ZSCAN23: variants seen among roughly 807,000 people sequenced by gnomAD.
ZSCAN23 encodes the protein zinc finger and SCAN domain containing 23, also known as zinc finger and SCAN domain-containing protein 23.
In ZSCAN23, 19 loss-of-function variants were observed where a neutral mutation model predicts 19.3. The observed-to-expected ratio is 0.99, with a 90% CI of 0.69 to 1.45. The LOEUF is 1.45. Among genes scored for constraint, ZSCAN23 ranks in the 40% most tolerant of loss-of-function variants. The pLI is 0.00. For missense variants in ZSCAN23, 372 were observed against 462.5 expected (o/e 0.80, Z 1.79); for synonymous variants, 140 against 166.2 (o/e 0.84, Z 1.21).
intron 1 of ZSCAN23, among the ~76,000 whole-genome samples, chr6:28,438,642 G>C (rs1365738420): frequency 4.6e-5 from 7 of 152,134 alleles, no homozygotes; most frequent in Admixed American, 3.9e-4. Context: ...GAAGTGCCGA[G>C]CAAAAGGGGG....
chr6:28,428,618 A>G (rs895703165), downstream of ZSCAN23, among the ~76,000 whole-genome samples: 4 of 152,154 alleles, frequency 2.6e-5, no homozygotes. Flanking sequence ...TTCTTTAACA[A>G]CTACAAGTCT....
At chr6:28,441,838 T>C (rs948750332) in intron 1 of ZSCAN23, among the ~76,000 whole-genome samples, 1 of 151,052 alleles carries the variant, frequency 6.6e-6, no homozygotes, top group African/African-American at 2.4e-5. Flanking sequence ...GAAGGTAGTA[T>C]GAGATAGCAG....
the ZSCAN23 span, among the ~76,000 whole-genome samples, chr6:28,425,332 T>G: frequency 1.3e-5 from 2 of 152,172 alleles, no homozygotes; most frequent in South Asian, 2.1e-4. Flanking sequence ...TTTTGTTTGT[T>G]TGTGTGTTTG....
At chr6:28,425,210 T>C in the ZSCAN23 span, among the ~76,000 whole-genome samples, 1 of 152,344 alleles carries the variant, frequency 6.6e-6, no homozygotes, top group East Asian at 1.9e-4. Context: ...GCAGTAGGTC[T>C]CAACAGTGGG....
chr6:28,436,260 T>C lies in ZSCAN23; in HGVS notation c.7A>G (p.Ile3Val), dbSNP rs1394678609. 2 of 1,542,336 alleles carry C rather than the reference T, an allele frequency of 1.3e-6. No individual in the cohort carries two copies. Among genetic ancestry groups the C allele is most frequent in the African/African-American group, 1.4e-5 (1 of 72,610 alleles). The change falls in exon 2 of 4, where the codon ATA becomes GTA. Residue 3 changes from isoleucine to valine, a missense_variant. Transcript: ENST00000289788. The part of the protein sequence containing the change: MA[I>V]TLTLQTAEMQ... ...TCTGCAGTCTGAAGGGTCAAGGTTATGGCCATCAAAGGTTTAACTATTCAG... is the reference window on the plus strand; with the variant it reads ...TCTGCAGTCTGAAGGGTCAAGGTTACGGCCATCAAAGGTTTAACTATTCAG...
intron 1 of ZSCAN23, among the ~76,000 whole-genome samples, chr6:28,437,840 C>T (rs1473089851): frequency 6.6e-6 from 1 of 151,954 alleles, no homozygotes; most frequent in African/African-American, 2.4e-5. Context: ...AATAATTTCA[C>T]AAAACACTAT....
At chr6:28,440,239 A>C (rs1220467670) in intron 1 of ZSCAN23, among the ~76,000 whole-genome samples, 1 of 152,246 alleles carries the variant, frequency 6.6e-6, no homozygotes, top group Non-Finnish European at 1.5e-5. Flanking sequence ...GGAAAGTAAC[A>C]GGAGATAAAG....
chr6:28,442,762 C>T (rs1273577057), intron 1 of ZSCAN23, among the ~76,000 whole-genome samples: 1 of 152,120 alleles, frequency 6.6e-6, no homozygotes, highest in African/African-American at 2.4e-5. Flanking sequence ...CGCTCTACGA[C>T]CTTGGGCAAG....
chr6:28,442,870 G>A (rs183011955), intron 1 of ZSCAN23, among the ~76,000 whole-genome samples: 1 of 152,220 alleles, frequency 6.6e-6, no homozygotes, highest in African/African-American at 2.4e-5. Context: ...ATCTCATAGA[G>A]TTATGAGAAG....
chr6:28,429,593 C>G (rs1476517437), downstream of ZSCAN23, among the ~76,000 whole-genome samples: 3 of 152,160 alleles, frequency 2.0e-5, no homozygotes, highest in Non-Finnish European at 4.4e-5. Context: ...GGTGAGGCCT[C>G]CTTGCTGGTA....
chr6:28,437,966 T>C (rs1761926749), intron 1 of ZSCAN23, among the ~76,000 whole-genome samples: 1 of 151,878 alleles, frequency 6.6e-6, no homozygotes, highest in African/African-American at 2.4e-5. Context: ...TGGTGGGTTG[T>C]GACACACCAC....
chr6:28,438,756 C>A (rs1761942400), intron 1 of ZSCAN23, among the ~76,000 whole-genome samples: 1 of 152,162 alleles, frequency 6.6e-6, no homozygotes, highest in South Asian at 2.1e-4. Context: ...CCGGGTCCCT[C>A]CCACGACACA....
In ZSCAN23 at chr6:28,434,669, A is replaced by G. The variant is rs1761835047; in HGVS notation, c.966T>C (p.His322=). 6.4e-7 allele frequency: 1 copy of G among 1,572,298 alleles called. No individual in the cohort carries two copies. The highest frequency in any genetic ancestry group is 2.4e-5 in the East Asian group (1 of 42,384). ...TCTCCCCAGTGTGAATTCTGAGGTG[A>G]TGGAAAAGCCCGGCATTCTGGCTGA... is the stretch of plus-strand genomic sequence containing the variant. The part of the protein sequence containing the change: ...KAFSQNAGLF[H]HLRIHTGEKP... The change falls in exon 4 of 4, where the codon CAT becomes CAC. Residue 322 remains histidine (H), a synonymous_variant. Transcript: ENST00000289788.
chr6:28,421,617 C>T, the ZSCAN23 span, among the ~76,000 whole-genome samples: 1 of 152,142 alleles, frequency 6.6e-6, no homozygotes, highest in Admixed American at 6.5e-5. Context: ...AAACTTAAAA[C>T]TTGATTTTGA....
the ZSCAN23 span, among the ~76,000 whole-genome samples, chr6:28,421,823 A>G: frequency 6.6e-6 from 1 of 152,166 alleles, no homozygotes; most frequent in Non-Finnish European, 1.5e-5. Flanking sequence ...CTTAGGAGAC[A>G]TATCAACCCA....
intron 1 of ZSCAN23, among the ~76,000 whole-genome samples, chr6:28,439,747 T>C (rs1761965489): frequency 6.6e-6 from 1 of 152,192 alleles, no homozygotes. Context: ...ATATCACAGA[T>C]GAGAAAACTG....
the ZSCAN23 span, among the ~76,000 whole-genome samples, chr6:28,424,047 T>A: frequency 1.3e-5 from 2 of 152,194 alleles, no homozygotes; most frequent in African/African-American, 4.8e-5. Context: ...TGCACACAAC[T>A]TGGTATGCTT....
chr6:28,436,576 C>G (rs719370), intron 1 of ZSCAN23, among the ~76,000 whole-genome samples: 1 of 151,976 alleles, frequency 6.6e-6, no homozygotes, highest in African/African-American at 2.4e-5. Flanking sequence ...TCATCCTGAC[C>G]GAAACAGCTC....
At position 28,434,730 on chromosome 6, in the gene ZSCAN23, T is replaced by G; in HGVS notation, c.905A>C (p.Glu302Ala). The G allele has an allele frequency of 6.2e-7, 1 of 1,600,632 alleles. No individual in the cohort carries two copies. Among genetic ancestry groups the G allele is most frequent in the Non-Finnish European group, 8.5e-7 (1 of 1,173,266 alleles). ...ACAAACACTGCACTGGTAGCGCTTC[T>G]CCCCAGTGTGGAGTCTCTGGTGCTG... ...LFQHQRLHTG[E>A]KRYQCSVCGK... Residue 302 changes from glutamate (E) to alanine (A), a missense_variant, in exon 4 of 4, where the codon GAG becomes GCG. By Grantham distance (107) the Glu-to-Ala change is moderately radical. Transcript: ENST00000289788.
Sources: allele counts gnomAD v4.1 joint callset (sites outside exome capture counted in the v4.1 genomes callset), GRCh38; gene constraint gnomAD v4.1.1; transcripts MANE v1.5; gene names NCBI Gene and HGNC (gene_info 2026-07-23, HGNC 2026-07-21).